ANXA4: variants seen among roughly 807,000 people sequenced by gnomAD.
The protein encoded by ANXA4 is 35-beta calcimedin.
A neutral mutation model predicts 49.8 loss-of-function variants in ANXA4; 39 were observed. That is an observed-to-expected ratio of 0.78 (90% confidence interval 0.61 to 1.02). The LOEUF is 1.02. ANXA4 is among the 50% of genes least tolerant of loss of function. The pLI, the probability that ANXA4 is intolerant of heterozygous loss-of-function variation, is 0.00. For synonymous variants in ANXA4, 134 were observed against 152.5 expected, an observed-to-expected ratio of 0.88 and a Z score of 0.89; for missense variants, 360 against 410.1, an observed-to-expected ratio of 0.88 and a Z score of 1.05.
chr2:69,825,511 AT>A lies in ANXA4; in HGVS notation c.964del (p.Ter322LysfsTer18). The part of the protein sequence containing the change: ...KVLLVLCGGD[D>X] The stretch of plus-strand genomic sequence containing the variant: ...CTGCTTGTTCTCTGTGGAGGAGATG[AT>A]TAAAATAAAAATCCCAGAAGGACAG... On this transcript the variant is annotated frameshift_variant, in exon 13 of 13. Coordinates refer to ENST00000394295, the MANE Select transcript of ANXA4 (RefSeq NM_001153.5). LOFTEE classifies it high-confidence loss of function. 4.4e-6 allele frequency: 7 copies of A among 1,606,492 alleles called. No homozygotes were observed. The highest frequency in any genetic ancestry group is 5.9e-6 in the Non-Finnish European group (7 of 1,177,542).
intron 3 of ANXA4, among the ~76,000 whole-genome samples, chr2:69,789,173 A>G (rs536116390): frequency 6.6e-6 from 1 of 152,200 alleles, no homozygotes; most frequent in African/African-American, 2.4e-5. Context: ...CATTGGATAT[A>G]TGCAACAACC....
At position 69,723,465 on chromosome 2, in the gene ANXA4, G is replaced by A. The variant is rs573021486; in HGVS notation, n.864+2594G>A. ...GGGCAAGGATGTGGTGATGACCATG[G>A]AGTCTGCCAAGCAGAGAGACTCTTG... On this transcript the variant is annotated intron_variant and non_coding_transcript_variant, in intron 3 of 3. Coordinates refer to the ANXA4 transcript ENST00000418066. Among the ~76,000 whole-genome samples, 9 of 152,258 alleles carry A rather than the reference G, an allele frequency of 5.9e-5. No homozygotes were observed. In the South Asian group the frequency reaches 1.9e-3, roughly 32 times the overall value.
intron 1 of ANXA4, among the ~76,000 whole-genome samples, chr2:69,744,393 A>G (rs1311160118): frequency 1.3e-5 from 2 of 152,232 alleles, no homozygotes; most frequent in East Asian, 3.8e-4. Flanking sequence ...ATTAAAAAAC[A>G]CTTTTTATAC....
Position 69,710,672 on chromosome 2 carries a change from G to A in ANXA4, n.767-10102G>A, listed in dbSNP as rs1002925492. ...AAAAGTGAACAGATAATTTACCAAAGAAGATCTACTTAAGGCAAATAACCC... is the reference window on the plus strand; with the variant it reads ...AAAAGTGAACAGATAATTTACCAAAAAAGATCTACTTAAGGCAAATAACCC... On this transcript the variant is annotated intron_variant and non_coding_transcript_variant, in intron 2 of 3. Coordinates refer to the ANXA4 transcript ENST00000418066. Among the ~76,000 whole-genome samples the A allele has an allele frequency of 2.6e-5, 4 of 152,192 alleles. No homozygotes were observed. In the South Asian group the frequency reaches 6.2e-4, roughly 24 times the overall value.
rs376769268 is a variant in ANXA4, at chr2:69,718,467, G to A, written n.767-2307G>A. 4.7e-4 allele frequency among the ~76,000 whole-genome samples: 72 copies of A among 152,284 alleles called. No individual in the cohort carries two copies. In the South Asian group the frequency reaches 6.6e-3, roughly 14 times the overall value. On this transcript the variant is annotated intron_variant and non_coding_transcript_variant, in intron 2 of 3. Transcript: ENST00000418066. ...CTCAAGTAGATACTATTTCAGCTAC[G>A]TTTGGGAAATGCTTAGCCAGAATTT... is the stretch of plus-strand genomic sequence containing the variant.
intron 2 of ANXA4, among the ~76,000 whole-genome samples, chr2:69,682,441 A>G (rs1329558157): frequency 6.6e-6 from 1 of 152,188 alleles, no homozygotes; most frequent in Non-Finnish European, 1.5e-5. Flanking sequence ...TGGTTCAGTA[A>G]TAATAAAGAT....
At chr2:69,668,038 C>T (rs561178432) in intron 2 of ANXA4, among the ~76,000 whole-genome samples, 12 of 152,238 alleles carry the variant, frequency 7.9e-5, no homozygotes, top group African/African-American at 2.9e-4. Flanking sequence ...ATTCCATTGG[C>T]CTAAGTATGT....
rs1411815175 is a variant in ANXA4 at position 69,651,822 on chromosome 2, G to A, written n.482-1176G>A. The stretch of plus-strand genomic sequence containing the variant: ...CGGCTTTTTTTTTTTTTTTTTGGGG[G>A]GGGGGGGCGGGGAGACAGAGTCTCA... On this transcript the variant is annotated intron_variant and non_coding_transcript_variant, in intron 1 of 3. Coordinates refer to the ANXA4 transcript ENST00000418066. 3.4e-3 allele frequency among the ~76,000 whole-genome samples: 224 copies of A among 66,026 alleles called. 5 individuals carry two copies. The highest frequency in any genetic ancestry group is 0.018 in the East Asian group (31 of 1,736). 43.3% of individuals were successfully genotyped at this position (66,026 alleles called of 152,430 possible).
chr2:69,810,706 T>A, intron 7 of ANXA4, 33 bp downstream of exon 7: 1 of 1,559,814 alleles, frequency 6.4e-7, no homozygotes, highest in Non-Finnish European at 8.8e-7. Flanking sequence ...GGGCGGGTTT[T>A]ATCGAAATGT....
intron 2 of ANXA4, among the ~76,000 whole-genome samples, chr2:69,696,079 A>G (rs1040520587): frequency 2.6e-5 from 4 of 152,060 alleles, no homozygotes; most frequent in African/African-American, 9.7e-5. Flanking sequence ...TGCCGCATTT[A>G]TTGACTCTTC....
At chr2:69,779,107 C>CAAAAA (rs70954359) in intron 1 of ANXA4, among the ~76,000 whole-genome samples, 1 of 45,446 alleles carries the variant, frequency 2.2e-5, no homozygotes, top group African/African-American at 6.9e-5. Flanking sequence ...CACTCTGCCT[C>CAAAAA]AAAAAAAAAA....
intron 2 of ANXA4, among the ~76,000 whole-genome samples, chr2:69,686,223 C>T (rs750893856): frequency 4.0e-5 from 6 of 151,814 alleles, no homozygotes; most frequent in Non-Finnish European, 8.8e-5. Flanking sequence ...CTGGCTCTGT[C>T]GCCCAGGCTG....
At chr2:69,714,730 A>T (rs1431290420) in intron 2 of ANXA4, among the ~76,000 whole-genome samples, 1 of 152,208 alleles carries the variant, frequency 6.6e-6, no homozygotes, top group East Asian at 1.9e-4. Flanking sequence ...CAATAGCCAG[A>T]CACCCAGGTC....
Position 69,804,527 on chromosome 2 carries a change from C to T in ANXA4, c.98-6C>T. ...CACTTACCTGCTGTCTCCCTTCTTC[C>T]CCCAGGCACCGATGAAGACGCCATT... On this transcript the variant is annotated splice_region_variant and splice_polypyrimidine_tract_variant and intron_variant, in intron 3 of 12. Transcript: ENST00000394295. The T allele has an allele frequency of 6.2e-7, 1 of 1,612,668 alleles. No homozygotes were observed. The highest frequency in any genetic ancestry group is 1.3e-5 in the African/African-American group (1 of 74,990).
chr2:69,675,644 G>C lies in ANXA4; in HGVS notation n.766+22362G>C, dbSNP rs532548772. 9.2e-5 allele frequency among the ~76,000 whole-genome samples: 14 copies of C among 152,294 alleles called. No homozygotes were observed. In the South Asian group the frequency reaches 2.5e-3, roughly 27 times the overall value. ...GAAAGCAGAATGACAGTTTCCAGGGGCTGCGGGGAGGGAGGAATGCAGAGT... is the reference window on the plus strand; with the variant it reads ...GAAAGCAGAATGACAGTTTCCAGGGCCTGCGGGGAGGGAGGAATGCAGAGT... On this transcript the variant is annotated intron_variant and non_coding_transcript_variant, in intron 2 of 3. Transcript: ENST00000418066.
At chr2:69,728,871 T>C (rs1415122264) in intron 3 of ANXA4, among the ~76,000 whole-genome samples, 1 of 152,214 alleles carries the variant, frequency 6.6e-6, no homozygotes, top group African/African-American at 2.4e-5. Flanking sequence ...TTAGGATAGG[T>C]TTGTCAGTTT....
chr2:69,655,570 A>G (rs1276427148), intron 2 of ANXA4, among the ~76,000 whole-genome samples: 1 of 152,208 alleles, frequency 6.6e-6, no homozygotes, highest in South Asian at 2.1e-4. Flanking sequence ...ACGGTTTTAC[A>G]CTGTTGGTGG....
intron 1 of ANXA4, among the ~76,000 whole-genome samples, chr2:69,647,118 T>A (rs1304215724): frequency 2.0e-5 from 3 of 152,224 alleles, no homozygotes; most frequent in African/African-American, 7.2e-5. Context: ...CTCCTGTAAC[T>A]TAAGTGTGTA....
intron 2 of ANXA4, among the ~76,000 whole-genome samples, chr2:69,658,059 G>A (rs1559048898): frequency 1.3e-5 from 2 of 151,858 alleles, no homozygotes; most frequent in East Asian, 1.9e-4. Context: ...TCTTAATAAT[G>A]TATCAACTTT....
Sources: gnomAD v4.1 joint callset for allele counts (sites outside exome capture counted in the v4.1 genomes callset) on GRCh38, gnomAD v4.1.1 for gene constraint, MANE v1.5 for transcripts, NCBI Gene and HGNC (gene_info 2026-07-23, HGNC 2026-07-21) for gene names.